The following METTL14 variants were observed in gnomAD, a reference collection of about 807,000 sequenced individuals.
METTL14 encodes the protein N(6)-adenosine-methyltransferase non-catalytic subunit METTL14.
In METTL14, 32 loss-of-function variants were observed where a neutral mutation model predicts 62.4. That is an observed-to-expected ratio of 0.51 (90% confidence interval 0.39 to 0.69). The LOEUF is 0.69. Among genes scored for constraint, METTL14 ranks in the 30% least tolerant of loss-of-function variants. The pLI is 0.00. For missense variants in METTL14, 340 were observed against 551.9 expected, an observed-to-expected ratio of 0.62 and a Z score of 3.85; for synonymous variants, 150 against 180.0, an observed-to-expected ratio of 0.83 and a Z score of 1.34.
Position 118,710,312 on chromosome 4 carries a change from A to G in METTL14, c.*10A>G. On this transcript the variant is annotated 3_prime_UTR_variant, in exon 11 of 11. Coordinates refer to ENST00000388822, the MANE Select transcript of METTL14 (RefSeq NM_020961.4). ...CTTTCCACCTCGATAATTGTTGAAGACATTGAACCTATTCATCCTCCTCTA... is the reference window on the plus strand; with the variant it reads ...CTTTCCACCTCGATAATTGTTGAAGGCATTGAACCTATTCATCCTCCTCTA... The G allele has an allele frequency of 1.2e-6, 2 of 1,600,874 alleles. No homozygotes were observed. Among genetic ancestry groups the G allele is most frequent in the Admixed American group, 1.7e-5 (1 of 57,956 alleles).
chr4:118,685,453 C>G lies in METTL14; in HGVS notation c.-82C>G. The G allele has an allele frequency of 7.2e-7, 1 of 1,388,672 alleles. No homozygotes were observed. The highest frequency in any genetic ancestry group is 1.0e-6 in the Non-Finnish European group (1 of 975,208). 86.0% of individuals were successfully genotyped at this position (1,388,672 alleles called of 1,614,324 possible). On this transcript the variant is annotated 5_prime_UTR_variant, in exon 1 of 11. Transcript: ENST00000388822. The stretch of plus-strand genomic sequence containing the variant: ...TCGTAAGCTCCCGGTGAATTTTGTT[C>G]CACAGACTCGGAAGAAAGGTTGGAT...
chr4:118,695,504 G>A (rs537013083), intron 6 of METTL14, among the ~76,000 whole-genome samples: 286 of 152,192 alleles, frequency 1.9e-3, no homozygotes, highest in Non-Finnish European at 3.5e-3. Flanking sequence ...AGCCGAGATC[G>A]CACCATTGCA....
intron 8 of METTL14, among the ~76,000 whole-genome samples, chr4:118,700,983 A>G (rs756992976): frequency 3.0e-4 from 46 of 152,100 alleles, no homozygotes; most frequent in Non-Finnish European, 3.8e-4. Flanking sequence ...AAAGTGTTCT[A>G]TGAGTAGCTA....
At chr4:118,690,910 A>G (rs961898181) in intron 3 of METTL14, among the ~76,000 whole-genome samples, 2 of 152,180 alleles carry the variant, frequency 1.3e-5, no homozygotes, top group South Asian at 2.1e-4. Flanking sequence ...TGTAATTGCA[A>G]TATTTAGTTG....
intron 8 of METTL14, among the ~76,000 whole-genome samples, chr4:118,703,380 G>A (rs1419619835): frequency 1.3e-5 from 2 of 152,100 alleles, no homozygotes; most frequent in Admixed American, 1.3e-4. Flanking sequence ...CTGTTTTCTA[G>A]ATTATATAGA....
At position 118,685,692 on chromosome 4, in the gene METTL14, C is replaced by T. The variant is rs915807601; in HGVS notation, c.66+92C>T. 5.6e-6 allele frequency: 6 copies of T among 1,067,532 alleles called. No homozygotes were observed. The Admixed American group carries it at 7.9e-5, about 14-fold the overall frequency. 66.1% of individuals were successfully genotyped at this position (1,067,532 alleles called of 1,614,324 possible). A position where few individuals can be genotyped will look rare whatever the true frequency, so the allele number is the denominator to read the frequency against. ...CACACCCCGCCTTTTTCTGTCCCTT[C>T]TCTACCTGCCGCTGTTAAGGCCTTT... On this transcript the variant is annotated intron_variant, in intron 1 of 10. Transcript: ENST00000388822.
chr4:118,691,283 T>C (rs1724238833), intron 3 of METTL14, among the ~76,000 whole-genome samples: 3 of 152,160 alleles, frequency 2.0e-5, no homozygotes, highest in African/African-American at 4.8e-5. Flanking sequence ...ATGAGATAAA[T>C]AGTTTTAGAC....
At chr4:118,702,439 T>C (rs1269771674) in intron 8 of METTL14, among the ~76,000 whole-genome samples, 3 of 152,066 alleles carry the variant, frequency 2.0e-5, no homozygotes, top group Non-Finnish European at 4.4e-5. Context: ...AAAATAAATA[T>C]TTAGTAACAG....
intron 10 of METTL14, among the ~76,000 whole-genome samples, chr4:118,708,321 C>A (rs954615217): frequency 2.0e-5 from 3 of 152,120 alleles, no homozygotes; most frequent in Non-Finnish European, 4.4e-5. Flanking sequence ...TTTATTATAT[C>A]TTTAAATTTT....
At chr4:118,704,126 TTTAA>T in intron 9 of METTL14, 75 bp downstream of exon 9, 2 of 796,778 alleles carry the variant, frequency 2.5e-6, no homozygotes, top group Non-Finnish European at 4.1e-6. Context: ...CTGTATACTG[TTTAA>T]TTAACTTCAG....
rs575906196 is a variant in METTL14 at position 118,692,619 on chromosome 4, T to A, written c.412+551T>A. ...ATATTACTATTTTTTTGTTTGTTTC[T>A]TTTTGGCTCCAGTTTGGTATTATGC... On this transcript the variant is annotated intron_variant, in intron 5 of 10. Transcript: ENST00000388822. 2.0e-5 allele frequency among the ~76,000 whole-genome samples: 3 copies of A among 152,300 alleles called. No individual in the cohort carries two copies. In the East Asian group the frequency reaches 5.8e-4, roughly 29 times the overall value.
chr4:118,700,740 C>A, intron 8 of METTL14, 98 bp downstream of exon 8: 1 of 765,268 alleles, frequency 1.3e-6, no homozygotes, highest in Non-Finnish European at 2.0e-6. Context: ...TTATTTTGTC[C>A]TTTGTTTCTT....
intron 5 of METTL14, 61 bp from the exon 6 acceptor site, chr4:118,694,375 T>A: frequency 7.4e-7 from 1 of 1,358,260 alleles, no homozygotes; most frequent in Admixed American, 2.0e-5. Context: ...TCATAACTTT[T>A]GAATTACTGA....
intron 1 of METTL14, among the ~76,000 whole-genome samples, chr4:118,686,057 G>C (rs555788026): frequency 2.1e-4 from 32 of 152,306 alleles, no homozygotes; most frequent in Non-Finnish European, 4.4e-4. Context: ...AGTAGCCTGA[G>C]TGTAAATTTT....
chr4:118,700,401 G>A lies in METTL14; in HGVS notation c.646-149G>A, dbSNP rs575299790. Reference sequence around the variant, plus strand: ...AAACAATAGAACGAGTAATTTTAAGGATAACATTTATTTTCTGTTAGTTCC... The same window carrying A: ...AAACAATAGAACGAGTAATTTTAAGAATAACATTTATTTTCTGTTAGTTCC... On this transcript the variant is annotated intron_variant, in intron 7 of 10. Transcript: ENST00000388822. 134 of 578,922 alleles carry A rather than the reference G, an allele frequency of 2.3e-4. 1 individual carries two copies. The highest frequency in any genetic ancestry group is 2.2e-3 in the African/African-American group (116 of 53,216). 35.9% of individuals were successfully genotyped at this position (578,922 alleles called of 1,614,324 possible). A position where few individuals can be genotyped will look rare whatever the true frequency, so the allele number is the denominator to read the frequency against.
At chr4:118,688,051 G>C (rs1432653934) in intron 2 of METTL14, 40 bp downstream of exon 2, 2 of 1,446,592 alleles carry the variant, frequency 1.4e-6, no homozygotes, top group Admixed American at 1.8e-5. Context: ...TTTTGAGACA[G>C]GGTTTCACTC....
At chr4:118,696,759 G>T (rs1215450177) in intron 6 of METTL14, among the ~76,000 whole-genome samples, 1 of 152,068 alleles carries the variant, frequency 6.6e-6, no homozygotes, top group African/African-American at 2.4e-5. Flanking sequence ...AGAATTTAAA[G>T]CTTACAGAGA....
chr4:118,713,905 A>G lies in METTL14; in HGVS notation c.*3603A>G, dbSNP rs1724990330. ...TAGCTGTAATGCACAGAGAAAAACT[A>G]CCTCATTCAATCTAGATAATTGGGA... On this transcript the variant is annotated 3_prime_UTR_variant, in exon 11 of 11. Coordinates refer to ENST00000388822, the MANE Select transcript of METTL14 (RefSeq NM_020961.4). 1 of 152,210 alleles carries G rather than the reference A, an allele frequency of 6.6e-6. No individual in the cohort carries two copies. Among genetic ancestry groups the G allele is most frequent in the Non-Finnish European group, 1.5e-5 (1 of 68,036 alleles). 9.4% of individuals were successfully genotyped at this position (152,210 alleles called of 1,614,324 possible). A position where few individuals can be genotyped will look rare whatever the true frequency, so the allele number is the denominator to read the frequency against.
chr4:118,704,371 C>T (rs775602917), intron 9 of METTL14, among the ~76,000 whole-genome samples: 1 of 152,142 alleles, frequency 6.6e-6, no homozygotes, highest in Non-Finnish European at 1.5e-5. Context: ...ATAGCAAGAT[C>T]GCAAGACTCG....
Sources: gnomAD v4.1 joint callset for allele counts (sites outside exome capture counted in the v4.1 genomes callset) on GRCh38, gnomAD v4.1.1 for gene constraint, MANE v1.5 for transcripts, NCBI Gene and HGNC (gene_info 2026-07-23, HGNC 2026-07-21) for gene names.